Variants in LHX4 observed in about 807,000 individuals in gnomAD.
LHX4 encodes the protein LIM homeobox 4.
LHX4 carries 16 observed loss-of-function variants against 39.2 expected under a neutral mutation model. That is an observed-to-expected ratio of 0.41 (90% confidence interval 0.28 to 0.62). LHX4 has a LOEUF of 0.62. LHX4 is among the 20% of genes least tolerant of loss of function. The probability of loss-of-function intolerance (pLI) is 0.33; values close to 1 mark genes in which losing one functional copy is unlikely to be tolerated. For missense variants in LHX4, 439 were observed against 511.9 expected (o/e 0.86, Z 1.37); for synonymous variants, 206 against 198.1 (o/e 1.04, Z -0.33).
At chr1:180,254,751 C>T (rs985308674) in intron 2 of LHX4, among the ~76,000 whole-genome samples, 4 of 152,228 alleles carry the variant, frequency 2.6e-5, no homozygotes, top group Non-Finnish European at 5.9e-5. Flanking sequence ...CATCACCAAG[C>T]CTCGCTTTCC....
At chr1:180,237,679 A>G (rs7525475) in intron 1 of LHX4, among the ~76,000 whole-genome samples, 19,506 of 152,152 alleles carry the variant, frequency 0.13, 2,056 homozygotes, top group African/African-American at 0.28. Flanking sequence ...GGGTCTAGCC[A>G]CAGATGTTTA....
At chr1:180,271,262 C>T (rs549956826) in intron 3 of LHX4, 118 bp from the exon 4 acceptor site, 33 of 1,136,376 alleles carry the variant, frequency 2.9e-5, no homozygotes, top group Admixed American at 1.0e-4. Context: ...CTGTGCCTCG[C>T]GCTGTCCTGC....
chr1:180,257,137 T>C (rs1647891165), intron 2 of LHX4, among the ~76,000 whole-genome samples: 2 of 152,168 alleles, frequency 1.3e-5, no homozygotes, highest in African/African-American at 4.8e-5. Context: ...TGAGGCCAAA[T>C]GGACGGGAGA....
upstream of LHX4, among the ~76,000 whole-genome samples, chr1:180,229,967 G>C (rs1226354214): frequency 9.5e-5 from 12 of 126,624 alleles, no homozygotes; most frequent in Admixed American, 2.2e-4. Flanking sequence ...GGCGGGGAGG[G>C]GGGGGGGGTG....
chr1:180,251,551 TC>T (rs1401040637), intron 2 of LHX4, among the ~76,000 whole-genome samples: 2 of 152,188 alleles, frequency 1.3e-5, no homozygotes, highest in East Asian at 3.9e-4. Context: ...CATTTTTCTG[TC>T]CCCTGTGTAA....
chr1:180,246,537 C>A (rs2149255899), intron 1 of LHX4, among the ~76,000 whole-genome samples: 1 of 152,150 alleles, frequency 6.6e-6, no homozygotes, highest in African/African-American at 2.4e-5. Context: ...CATAGTGAAA[C>A]CCATCTCTAC....
intron 1 of LHX4, among the ~76,000 whole-genome samples, chr1:180,235,587 C>G (rs1386226693): frequency 6.6e-6 from 1 of 152,248 alleles, no homozygotes; most frequent in Non-Finnish European, 1.5e-5. Flanking sequence ...GCGGGTGTGC[C>G]CGGCCCGCGC....
upstream of LHX4, among the ~76,000 whole-genome samples, chr1:180,228,733 C>A (rs954845694): frequency 1.3e-5 from 2 of 152,198 alleles, no homozygotes; most frequent in Non-Finnish European, 2.9e-5. Context: ...GAGACAAATT[C>A]TAAGCAGCGC....
intron 3 of LHX4, chr1:180,270,719 T>C (rs1276683123): frequency 6.3e-6 from 1 of 158,134 alleles, no homozygotes; most frequent in Non-Finnish European, 1.4e-5. Flanking sequence ...ATTTATACAA[T>C]AAAAACTAAA....
chr1:180,266,252 C>G lies in LHX4; in HGVS notation c.249-140C>G. 1.3e-6 allele frequency: 1 copy of G among 783,390 alleles called. No individual in the cohort carries two copies. The highest frequency in any genetic ancestry group is 1.5e-5 in the South Asian group (1 of 68,086). The allele number at this position is 783,390 out of a possible 1,614,324, so 48.5% of individuals were successfully genotyped here. A position where few individuals can be genotyped will look rare whatever the true frequency, so the allele number is the denominator to read the frequency against. On this transcript the variant is annotated intron_variant, in intron 2 of 5. Coordinates refer to ENST00000263726, the MANE Select transcript of LHX4 (RefSeq NM_033343.4). This position sits in a 1 kb window ranked among gnomAD's most constrained non-coding sequence, Gnocchi z 5.7. ...CTAGATGGAGGCAGAGAGGACCAGA[C>G]GGTAAGCTCTGGGTGACTGGGGGGT...
chr1:180,255,270 A>T (rs956970135), intron 2 of LHX4, among the ~76,000 whole-genome samples: 1 of 152,234 alleles, frequency 6.6e-6, no homozygotes, highest in Non-Finnish European at 1.5e-5. Context: ...TTGCTGAGCC[A>T]CTTATTATTT....
At chr1:180,264,952 C>G (rs1236773269) in intron 2 of LHX4, among the ~76,000 whole-genome samples, 2 of 152,222 alleles carry the variant, frequency 1.3e-5, no homozygotes, top group African/African-American at 4.8e-5. Flanking sequence ...AGAACCCCCA[C>G]TTTTCTCTGG....
At chr1:180,260,708 C>A (rs1370044300) in intron 2 of LHX4, among the ~76,000 whole-genome samples, 7 of 151,910 alleles carry the variant, frequency 4.6e-5, no homozygotes, top group Admixed American at 2.0e-4. Context: ...TCCCTGGCCA[C>A]CCCAGCACTG....
Position 180,248,447 on chromosome 1 carries a change from A to G in LHX4, c.239A>G (p.Asp80Gly). Residue 80 changes from aspartate to glycine, a missense_variant, in exon 2 of 6, where the codon GAC (aspartate) becomes GGC (glycine). Coordinates refer to ENST00000263726, the MANE Select transcript of LHX4 (RefSeq NM_033343.4). The part of the protein sequence containing the change: ...SRAGSVYCKE[D>G]FFKRFGTKCT... ...GCTGGGAGCGTCTACTGCAAGGAGG[A>G]CTTCTTCAAGTAAGTCAGAACGGTC... 6.2e-7 allele frequency: 1 copy of G among 1,614,064 alleles called. No homozygotes were observed. The highest frequency in any genetic ancestry group is 1.3e-5 in the African/African-American group (1 of 75,038).
Position 180,230,515 on chromosome 1 carries a change from G to A in LHX4, c.-15G>A, listed in dbSNP as rs1390166676. Reference sequence around the variant, plus strand: ...AGATCTCCGTAGACTGCGACTCGCTGGCTTTCGCTCCGAGATGATGCAGAG... The same window carrying A: ...AGATCTCCGTAGACTGCGACTCGCTAGCTTTCGCTCCGAGATGATGCAGAG... On this transcript the variant is annotated 5_prime_UTR_variant, in exon 1 of 6. Transcript: ENST00000263726. This position sits in a 1 kb window ranked among gnomAD's most constrained non-coding sequence, Gnocchi z 5.8. The A allele has an allele frequency of 3.7e-6, 6 of 1,611,528 alleles. No individual in the cohort carries two copies. The highest frequency in any genetic ancestry group is 5.1e-6 in the Non-Finnish European group (6 of 1,178,128).
At chr1:180,271,758 G>A (rs552915347) in intron 4 of LHX4, 77 bp from the exon 5 acceptor site, 29 of 1,541,554 alleles carry the variant, frequency 1.9e-5, no homozygotes, top group Middle Eastern at 1.9e-4. Flanking sequence ...GCTTCCAGCC[G>A]CCCGCCTAGG....
Position 180,251,263 on chromosome 1 carries a change from C to G in LHX4, c.248+2807C>G, listed in dbSNP as rs539133299. On this transcript the variant is annotated intron_variant, in intron 2 of 5. Coordinates refer to ENST00000263726, the MANE Select transcript of LHX4 (RefSeq NM_033343.4). ...CCTCAGGTACCTGACGCCCACCAAG[C>G]AGGATGCTCCATTCCCAGGCATGCT... 4.5e-4 allele frequency among the ~76,000 whole-genome samples: 68 copies of G among 152,344 alleles called. 1 individual carries two copies. The South Asian group carries it at 4.8e-3, about 11-fold the overall frequency.
chr1:180,271,829 T>C lies in LHX4; in HGVS notation c.607-6T>C. ...CCTGAGTATGTCCCTTGTGCTTGTG[T>C]GGCAGGTTTGGTTTCAGAACAGAAG... On this transcript the variant is annotated splice_region_variant and splice_polypyrimidine_tract_variant and intron_variant, in intron 4 of 5. Transcript: ENST00000263726. The C allele has an allele frequency of 6.2e-7, 1 of 1,613,740 alleles. No homozygotes were observed. Among genetic ancestry groups the C allele is most frequent in the Non-Finnish European group, 8.5e-7 (1 of 1,179,970 alleles).
chr1:180,229,983 T>G (rs1664133594), upstream of LHX4, among the ~76,000 whole-genome samples: 3 of 89,152 alleles, frequency 3.4e-5, no homozygotes, highest in East Asian at 3.1e-4. Flanking sequence ...GGGTGCCGGC[T>G]TGCGAGGCCC....
Sources: gnomAD v4.1 joint callset for allele counts (sites outside exome capture counted in the v4.1 genomes callset) on GRCh38, gnomAD v4.1.1 for gene constraint, Gnocchi (gnomAD v3.1) non-coding constraint, MANE v1.5 for transcripts, NCBI Gene and HGNC (gene_info 2026-07-23, HGNC 2026-07-21) for gene names.